RNF144A: variants seen among roughly 807,000 people sequenced by gnomAD.
The protein encoded by RNF144A is ring finger protein 144A.
RNF144A carries 11 observed loss-of-function variants against 38.7 expected under a neutral mutation model. The ratio of observed to expected loss-of-function variants is 0.28; its 90% CI spans 0.18 to 0.47. The LOEUF is 0.47. RNF144A is among the 20% of genes least tolerant of loss of function. The pLI is 0.99. For missense variants in RNF144A, 316 were observed against 377.2 expected, an observed-to-expected ratio of 0.84 and a Z score of 1.34; for synonymous variants, 149 against 143.9, an observed-to-expected ratio of 1.04 and a Z score of -0.25.
At chr2:7,074,076 C>T in the RNF144A span, among the ~76,000 whole-genome samples, 1 of 152,214 alleles carries the variant, frequency 6.6e-6, no homozygotes, top group African/African-American at 2.4e-5. Flanking sequence ...GTGATTCTGC[C>T]TAATACTCTC....
intron 2 of RNF144A, among the ~76,000 whole-genome samples, chr2:6,987,500 C>T (rs975287933): frequency 2.0e-5 from 3 of 152,156 alleles, no homozygotes; most frequent in African/African-American, 7.2e-5. Flanking sequence ...GTCGCCTGGT[C>T]TACAAAAGAA....
chr2:6,979,051 C>G (rs1445226100), intron 2 of RNF144A, among the ~76,000 whole-genome samples: 1 of 152,190 alleles, frequency 6.6e-6, no homozygotes, highest in Non-Finnish European at 1.5e-5. Context: ...AGTAGAGAGA[C>G]AGGAGCAGCC....
At chr2:7,063,224 A>T (rs925178439) in intron 6 of RNF144A, among the ~76,000 whole-genome samples, 8 of 152,254 alleles carry the variant, frequency 5.3e-5, no homozygotes, top group African/African-American at 1.9e-4. Flanking sequence ...TGAAGAAAAG[A>T]GGACATATTT....
At chr2:6,936,844 A>AGTGT (rs55971680) in intron 1 of RNF144A, among the ~76,000 whole-genome samples, 52,414 of 143,904 alleles carry the variant, frequency 0.36, 9,976 homozygotes, top group South Asian at 0.48. Flanking sequence ...CACACACAGT[A>AGTGT]GTGTGTGTGT....
intron 1 of RNF144A, among the ~76,000 whole-genome samples, chr2:6,934,891 C>G (rs536215205): frequency 6.6e-6 from 1 of 152,208 alleles, no homozygotes; most frequent in African/African-American, 2.4e-5. Flanking sequence ...TTTGCAGTAG[C>G]TGTGCTTTTG....
chr2:7,034,271 CA>C (rs577715862), intron 8 of RNF144A, among the ~76,000 whole-genome samples: 2,511 of 113,666 alleles, frequency 0.022, 49 homozygotes, highest in African/African-American at 0.062. Flanking sequence ...GACTCTGTCT[CA>C]AAAAAAAAAA....
intron 6 of RNF144A, chr2:7,068,157 C>A: frequency 1.2e-6 from 1 of 867,470 alleles, no homozygotes; most frequent in Non-Finnish European, 1.7e-6. Context: ...ACACAAGTAT[C>A]ATTGAGTAAG....
At chr2:6,950,849 G>GT (rs1166130427) in intron 2 of RNF144A, among the ~76,000 whole-genome samples, 5 of 151,992 alleles carry the variant, frequency 3.3e-5, no homozygotes, top group Admixed American at 6.5e-5. Flanking sequence ...TTTTGGTCTA[G>GT]TTTTTTTATT....
chr2:7,074,776 A>AAAGG, the RNF144A span: 2,167 of 154,000 alleles, frequency 0.014, 21 homozygotes, highest in Non-Finnish European at 0.022. Flanking sequence ...AGGAAGAAAA[A>AAAGG]AAGGAAGGAA....
chr2:6,924,426 T>C (rs1461426499), intron 1 of RNF144A, among the ~76,000 whole-genome samples: 1 of 152,258 alleles, frequency 6.6e-6, no homozygotes, highest in African/African-American at 2.4e-5. Context: ...TCCGAGCGCA[T>C]GTCCTGGGAG....
chr2:6,933,100 T>C (rs952455738), intron 1 of RNF144A: 2 of 152,236 alleles, frequency 1.3e-5, no homozygotes, highest in Admixed American at 6.5e-5. Flanking sequence ...CTATACTGCT[T>C]TTTGAAATAC....
At chr2:7,002,905 T>C (rs1311416980) in intron 3 of RNF144A, among the ~76,000 whole-genome samples, 1 of 152,042 alleles carries the variant, frequency 6.6e-6, no homozygotes, top group Non-Finnish European at 1.5e-5. Context: ...GGAGAAGATG[T>C]GGAGGTGGAA....
downstream of RNF144A, among the ~76,000 whole-genome samples, chr2:7,047,077 C>T (rs1344511816): frequency 6.6e-6 from 1 of 152,184 alleles, no homozygotes; most frequent in Non-Finnish European, 1.5e-5. Flanking sequence ...CAGTTGGACT[C>T]CATGTTCCTT....
rs916646901 is a variant in RNF144A at position 6,958,626 on chromosome 2, G to A, written c.-12+17479G>A. Among the ~76,000 whole-genome samples, 2 of 152,110 alleles carry A rather than the reference G, an allele frequency of 1.3e-5. No individual in the cohort carries two copies. The highest frequency in any genetic ancestry group is 1.9e-4 in the East Asian group (1 of 5,172). ...ATGTCACGGTGGGAGTGTGTGGGAC[G>A]TTGAGGTACAAAGCTGAAGAAGGTT... On this transcript the variant is annotated intron_variant, in intron 2 of 8. Transcript: ENST00000320892. This position sits in a 1 kb window ranked among gnomAD's most constrained non-coding sequence, Gnocchi z 4.5.
downstream of RNF144A, among the ~76,000 whole-genome samples, chr2:7,045,146 T>A (rs1465765321): frequency 1.3e-5 from 2 of 152,214 alleles, no homozygotes; most frequent in African/African-American, 2.4e-5. Context: ...AGGGCCCAGT[T>A]CAACAAGCGC....
chr2:7,030,230 G>T lies in RNF144A; in HGVS notation c.747+15G>T, dbSNP rs566361237. On this transcript the variant is annotated intron_variant, in intron 8 of 8. Coordinates refer to ENST00000320892, the MANE Select transcript of RNF144A (RefSeq NM_014746.6). ...ATCGGACACAGGTAGGAGGTGATTT[G>T]CCTGGAAGGTTGATCTCAGAGAGAG... The T allele has an allele frequency of 5.1e-5, 81 of 1,578,902 alleles. 1 individual carries two copies. The South Asian group carries it at 8.4e-4, about 16-fold the overall frequency.
chr2:7,069,089 C>G (rs1267471063), downstream of RNF144A, among the ~76,000 whole-genome samples: 3 of 152,246 alleles, frequency 2.0e-5, no homozygotes, highest in Non-Finnish European at 4.4e-5. Context: ...TCAGCACAGT[C>G]AGCCTCCAAA....
At chr2:6,930,579 A>G (rs1447952424) in intron 1 of RNF144A, among the ~76,000 whole-genome samples, 2 of 151,896 alleles carry the variant, frequency 1.3e-5, no homozygotes, top group Non-Finnish European at 2.9e-5. Context: ...ATACATACAT[A>G]CGTGTATATA....
chr2:6,947,709 C>T (rs1666428373), intron 2 of RNF144A, among the ~76,000 whole-genome samples: 1 of 152,090 alleles, frequency 6.6e-6, no homozygotes, highest in Non-Finnish European at 1.5e-5. Context: ...TATTTTAAGC[C>T]GTATTTAAGC....
Sources: gnomAD v4.1 joint callset for allele counts (sites outside exome capture counted in the v4.1 genomes callset) on GRCh38, gnomAD v4.1.1 for gene constraint, Gnocchi (gnomAD v3.1) non-coding constraint, MANE v1.5 for transcripts, NCBI Gene and HGNC (gene_info 2026-07-23, HGNC 2026-07-21) for gene names.